STPG2: variants seen among roughly 807,000 people sequenced by gnomAD.
STPG2 encodes sperm tail PG-rich repeat containing 2.
In STPG2, 56 loss-of-function variants were observed where a neutral mutation model predicts 54.2. The observed-to-expected ratio is 1.03, with a 90% confidence interval of 0.83 to 1.29. The LOEUF (loss-of-function observed/expected upper bound fraction) is 1.29, where lower values mean the gene tolerates loss of function less well. Among genes scored for constraint, STPG2 ranks in the 50% most tolerant of loss-of-function variants. The pLI, the probability that STPG2 is intolerant of heterozygous loss-of-function variation, is 0.00. For missense variants in STPG2, 596 were observed against 544.9 expected (o/e 1.09, Z -0.93); for synonymous variants, 200 against 181.8 (o/e 1.10, Z -0.81).
At chr4:97,590,608 T>C (rs1476335300) in intron 10 of STPG2, among the ~76,000 whole-genome samples, 1 of 148,488 alleles carries the variant, frequency 6.7e-6, no homozygotes, top group Non-Finnish European at 1.5e-5. Context: ...AAGATGGAGT[T>C]GCTTTGGCCT....
chr4:97,753,648 C>T (rs535923619), intron 9 of STPG2, among the ~76,000 whole-genome samples: 21 of 151,940 alleles, frequency 1.4e-4, no homozygotes, highest in Non-Finnish European at 2.5e-4. Flanking sequence ...CAGTAATGCA[C>T]GAGGGTTTCA....
intron 9 of STPG2, among the ~76,000 whole-genome samples, chr4:97,818,278 C>A (rs1038456997): frequency 2.0e-5 from 3 of 151,764 alleles, no homozygotes; most frequent in African/African-American, 7.3e-5. Context: ...CCAGTGTATG[C>A]CTGAAATCAA....
At chr4:97,952,502 A>G (rs1445173981) in intron 7 of STPG2, among the ~76,000 whole-genome samples, 1 of 152,158 alleles carries the variant, frequency 6.6e-6, no homozygotes, top group African/African-American at 2.4e-5. Context: ...GCCTAGGACC[A>G]GGAGTCCCTG....
intron 10 of STPG2, among the ~76,000 whole-genome samples, chr4:97,616,075 T>TATATATAC (rs1733863641): frequency 1.3e-5 from 1 of 79,782 alleles, no homozygotes; most frequent in Non-Finnish European, 2.9e-5. Context: ...TATATATATA[T>TATATATAC]ATATATATAT....
chr4:97,946,312 T>C (rs1286921421), intron 7 of STPG2, among the ~76,000 whole-genome samples: 1 of 152,174 alleles, frequency 6.6e-6, no homozygotes, highest in Non-Finnish European at 1.5e-5. Flanking sequence ...GCCCAATGCA[T>C]AGTTTGCAAT....
At chr4:97,687,055 C>A (rs1168909360) in intron 10 of STPG2, among the ~76,000 whole-genome samples, 1 of 151,744 alleles carries the variant, frequency 6.6e-6, no homozygotes, top group African/African-American at 2.4e-5. Context: ...ATTCTCCTGC[C>A]TCAGCCTCCC....
At chr4:97,962,854 A>T (rs191031026) in intron 7 of STPG2, among the ~76,000 whole-genome samples, 1 of 152,196 alleles carries the variant, frequency 6.6e-6, no homozygotes, top group Non-Finnish European at 1.5e-5. Flanking sequence ...CAATATCTAC[A>T]GTGAAGAATA....
chr4:97,657,362 C>G (rs945939594), intron 10 of STPG2, among the ~76,000 whole-genome samples: 1 of 152,072 alleles, frequency 6.6e-6, no homozygotes, highest in Admixed American at 6.6e-5. Context: ...TGCTATGATG[C>G]CAACTCTAAA....
chr4:97,529,377 G>C (rs753887844), intron 4 of STPG2, among the ~76,000 whole-genome samples: 1 of 152,066 alleles, frequency 6.6e-6, no homozygotes, highest in East Asian at 1.9e-4. Context: ...TGCTGGATTC[G>C]TTTTGCCAGT....
At chr4:97,983,611 C>T (rs1053966703) in intron 5 of STPG2, among the ~76,000 whole-genome samples, 44 of 152,144 alleles carry the variant, frequency 2.9e-4, no homozygotes, top group African/African-American at 1.1e-3. Flanking sequence ...TTAGAACTTA[C>T]TTTCTGAAAT....
chr4:98,113,299 C>A (rs914051029), intron 3 of STPG2, among the ~76,000 whole-genome samples: 1 of 151,804 alleles, frequency 6.6e-6, no homozygotes. Flanking sequence ...TGAGACAGCC[C>A]CCAGGGATGT....
intron 10 of STPG2, among the ~76,000 whole-genome samples, chr4:97,622,092 C>T (rs1734026706): frequency 1.3e-5 from 2 of 152,006 alleles, no homozygotes; most frequent in South Asian, 2.1e-4. Context: ...TCATATCGAA[C>T]ATCTCAACAA....
intron 4 of STPG2, among the ~76,000 whole-genome samples, chr4:97,513,668 T>C (rs1731018333): frequency 6.6e-6 from 1 of 152,128 alleles, no homozygotes; most frequent in Non-Finnish European, 1.5e-5. Flanking sequence ...CAAAGCCTTT[T>C]AATATTTCAA....
chr4:97,518,685 G>A (rs1350750091), intron 4 of STPG2, among the ~76,000 whole-genome samples: 1 of 152,038 alleles, frequency 6.6e-6, no homozygotes, highest in Non-Finnish European at 1.5e-5. Context: ...AAAGTACTTA[G>A]TTTGCTTTCT....
At chr4:97,926,244 G>A (rs1432723948) in intron 8 of STPG2, among the ~76,000 whole-genome samples, 2 of 152,152 alleles carry the variant, frequency 1.3e-5, no homozygotes, top group Non-Finnish European at 2.9e-5. Flanking sequence ...ACCCAAGTCT[G>A]TGATTATCCT....
At chr4:97,856,372 T>A (rs1199455048) in intron 8 of STPG2, among the ~76,000 whole-genome samples, 1 of 152,202 alleles carries the variant, frequency 6.6e-6, no homozygotes, top group Non-Finnish European at 1.5e-5. Flanking sequence ...AAAAGATCCT[T>A]CACTTCCCAT....
chr4:97,487,429 A>G (rs1316861022), intron 4 of STPG2, among the ~76,000 whole-genome samples: 1 of 151,544 alleles, frequency 6.6e-6, no homozygotes, highest in East Asian at 1.9e-4. Flanking sequence ...TTTATATAAA[A>G]CATACTTCAA....
chr4:97,578,672 T>G (rs1461777320), intron 10 of STPG2, among the ~76,000 whole-genome samples: 2 of 151,430 alleles, frequency 1.3e-5, no homozygotes, highest in Admixed American at 1.3e-4. Flanking sequence ...GTTTGTTGAG[T>G]TTTTTCCCCT....
intron 8 of STPG2, among the ~76,000 whole-genome samples, chr4:97,904,706 T>C (rs551847401): frequency 1.3e-5 from 2 of 152,264 alleles, no homozygotes; most frequent in Admixed American, 1.3e-4. Flanking sequence ...TTGAAAACTT[T>C]GAAAAAAATT....
Sources: gnomAD v4.1 joint callset for allele counts (sites outside exome capture counted in the v4.1 genomes callset) on GRCh38, gnomAD v4.1.1 for gene constraint, MANE v1.5 for transcripts, NCBI Gene and HGNC (gene_info 2026-07-23, HGNC 2026-07-21) for gene names.